CPEB3: variants seen among roughly 807,000 people sequenced by gnomAD.
CPEB3 encodes the protein cytoplasmic polyadenylation element binding protein 3, also known as cytoplasmic polyadenylation element-binding protein 3.
CPEB3 carries 20 observed loss-of-function variants against 67.2 expected under a neutral mutation model. The ratio of observed to expected loss-of-function variants is 0.30; its 90% CI spans 0.21 to 0.43. The LOEUF is 0.43. Ranked by LOEUF, CPEB3 falls within the 20% of genes least tolerant of loss-of-function variation. The probability of loss-of-function intolerance (pLI) is 1.00; values close to 1 mark genes in which losing one functional copy is unlikely to be tolerated. For synonymous variants in CPEB3, 376 were observed against 393.1 expected (o/e 0.96, Z 0.51); for missense variants, 746 against 968.6 (o/e 0.77, Z 3.05).
chr10:92,103,951 C>T (rs765928607), intron 7 of CPEB3, among the ~76,000 whole-genome samples: 1 of 152,124 alleles, frequency 6.6e-6, no homozygotes, highest in African/African-American at 2.4e-5. Flanking sequence ...GTTCAGGTTA[C>T]CTAAGTTTTT....
At chr10:92,100,586 G>A (rs1844132763) in intron 7 of CPEB3, among the ~76,000 whole-genome samples, 1 of 148,540 alleles carries the variant, frequency 6.7e-6, no homozygotes, top group Non-Finnish European at 1.5e-5. Flanking sequence ...AATAAGAATG[G>A]TTTTTGTTTT....
At chr10:92,196,963 T>G (rs1188090617) in intron 2 of CPEB3, among the ~76,000 whole-genome samples, 1 of 151,744 alleles carries the variant, frequency 6.6e-6, no homozygotes, top group East Asian at 1.9e-4. Context: ...GATAATTCTC[T>G]CTTCATGGTT....
chr10:92,276,260 C>T (rs1841978751), intron 1 of CPEB3, among the ~76,000 whole-genome samples: 1 of 149,770 alleles, frequency 6.7e-6, no homozygotes, highest in South Asian at 2.1e-4. Context: ...ATGAATAATG[C>T]TGCTTTTTTT....
intron 7 of CPEB3, among the ~76,000 whole-genome samples, chr10:92,095,292 T>C (rs1268613008): frequency 6.6e-6 from 1 of 152,116 alleles, no homozygotes; most frequent in Non-Finnish European, 1.5e-5. Flanking sequence ...GAAACCTACA[T>C]TTCCCAGCTG....
intron 4 of CPEB3, among the ~76,000 whole-genome samples, chr10:92,154,724 C>G (rs1467026141): frequency 6.6e-6 from 1 of 152,222 alleles, no homozygotes; most frequent in Non-Finnish European, 1.5e-5. Context: ...AAGCCTTCTT[C>G]TAAGGAGAAA....
chr10:92,067,091 T>C (rs1018624004), intron 9 of CPEB3, among the ~76,000 whole-genome samples: 1 of 150,796 alleles, frequency 6.6e-6, no homozygotes, highest in Non-Finnish European at 1.5e-5. Flanking sequence ...AATTTATTTT[T>C]TTATAAATAA....
chr10:92,204,611 G>A (rs1849689779), intron 2 of CPEB3, among the ~76,000 whole-genome samples: 1 of 152,178 alleles, frequency 6.6e-6, no homozygotes, highest in Middle Eastern at 3.2e-3. Flanking sequence ...TCTGGGACCA[G>A]AGAAATAGAA....
chr10:92,120,140 G>C (rs1012656885), intron 6 of CPEB3, among the ~76,000 whole-genome samples: 1 of 128,186 alleles, frequency 7.8e-6, no homozygotes, highest in African/African-American at 3.2e-5. Context: ...GCCGGGTGCG[G>C]TGGCTCACAC....
intron 9 of CPEB3, among the ~76,000 whole-genome samples, chr10:92,061,312 G>A (rs1312348167): frequency 6.6e-6 from 1 of 151,578 alleles, no homozygotes; most frequent in African/African-American, 2.4e-5. Flanking sequence ...CCAACTACTA[G>A]GGACACTGAG....
At chr10:92,261,131 A>G (rs1043616327) in intron 1 of CPEB3, among the ~76,000 whole-genome samples, 4 of 152,200 alleles carry the variant, frequency 2.6e-5, no homozygotes, top group Non-Finnish European at 5.9e-5. Flanking sequence ...CTACACAGGT[A>G]GCCCTTGGAT....
Position 92,239,914 on chromosome 10 carries a change from A to G in CPEB3, c.437T>C (p.Val146Ala), listed in dbSNP as rs1334656075. 8.1e-6 allele frequency: 13 copies of G among 1,612,720 alleles called. No homozygotes were observed. The highest frequency in any genetic ancestry group is 1.1e-5 in the Non-Finnish European group (13 of 1,179,450). ...FQNFPHHVNP[V>A]FGGTFSPQIG... ...CTGCGGGGAGAAAGTGCCTCCGAAGACTGGGTTGACATGGTGCGGGAAGTT... is the reference window on the plus strand; with the variant it reads ...CTGCGGGGAGAAAGTGCCTCCGAAGGCTGGGTTGACATGGTGCGGGAAGTT... Residue 146 changes from valine (V) to alanine (A), a missense_variant, in exon 2 of 10, where the codon GTC (valine) becomes GCC (alanine). Around this residue, in one of 2 missense-constraint regions of CPEB3, gnomAD observed 643 missense variants for 717.5 expected, o/e 0.90. Transcript: ENST00000265997. The surrounding 1 kb of genome is among the most constrained non-coding windows in gnomAD (Gnocchi z 6.0).
intron 1 of CPEB3, chr10:92,272,154 T>C (rs1564924271): frequency 6.6e-6 from 1 of 152,174 alleles, no homozygotes; most frequent in African/African-American, 2.4e-5. Context: ...TTTTTAAGAC[T>C]AGTCAAGTGT....
intron 1 of CPEB3, among the ~76,000 whole-genome samples, chr10:92,287,077 G>GT: frequency 6.6e-6 from 1 of 150,682 alleles, no homozygotes; most frequent in African/African-American, 2.4e-5. Flanking sequence ...GGAAAAAGTT[G>GT]TTTTTGTCTA....
intron 2 of CPEB3, among the ~76,000 whole-genome samples, chr10:92,225,376 C>T (rs186167665): frequency 6.6e-6 from 1 of 152,196 alleles, no homozygotes; most frequent in East Asian, 1.9e-4. Context: ...GTTCAATATT[C>T]GAAAACTGAA....
intron 7 of CPEB3, among the ~76,000 whole-genome samples, chr10:92,105,127 TAA>T: frequency 6.6e-6 from 1 of 152,306 alleles, no homozygotes. Context: ...TCAGAAATGC[TAA>T]AGATTTCCGA....
intron 2 of CPEB3, among the ~76,000 whole-genome samples, chr10:92,202,756 ATTT>A (rs950945990): frequency 6.6e-6 from 1 of 151,364 alleles, no homozygotes; most frequent in Non-Finnish European, 1.5e-5. Context: ...AGTGAGTTTG[ATTT>A]TTTTTCTTTT....
intron 2 of CPEB3, among the ~76,000 whole-genome samples, chr10:92,206,833 C>T (rs529483005): frequency 6.6e-6 from 1 of 152,190 alleles, no homozygotes; most frequent in Admixed American, 6.5e-5. Context: ...TGAAGTAAAA[C>T]AGATTTTTTG....
chr10:92,139,331 T>C (rs1443707033), intron 6 of CPEB3, among the ~76,000 whole-genome samples: 3 of 144,564 alleles, frequency 2.1e-5, no homozygotes. Context: ...ATATACACAG[T>C]GGAGTAGTAT....
chr10:92,185,809 T>C (rs1848661416), intron 3 of CPEB3, among the ~76,000 whole-genome samples: 2 of 152,220 alleles, frequency 1.3e-5, no homozygotes, highest in Admixed American at 1.3e-4. Flanking sequence ...GACATTGCTT[T>C]AGAAAAGTAT....
Sources: gnomAD v4.1 joint callset for allele counts (sites outside exome capture counted in the v4.1 genomes callset) on GRCh38, gnomAD v4.1.1 for gene constraint, gnomAD v4.1.1 regional missense constraint, Gnocchi (gnomAD v3.1) non-coding constraint, MANE v1.5 for transcripts, NCBI Gene and HGNC (gene_info 2026-07-23, HGNC 2026-07-21) for gene names.